The following CLASP1 variants were observed in gnomAD, a reference collection of about 807,000 sequenced individuals.
The protein encoded by CLASP1 is CLIP-associating protein 1.
Under a neutral mutation model 192.3 loss-of-function variants are expected in CLASP1, and 38 were observed. The observed-to-expected ratio is 0.20, with a 90% CI of 0.15 to 0.26. CLASP1 has a LOEUF of 0.26. Among genes scored for constraint, CLASP1 ranks in the 10% least tolerant of loss-of-function variants. The pLI, the probability that CLASP1 is intolerant of heterozygous loss-of-function variation, is 1.00. For missense variants in CLASP1, 1,433 were observed against 1,932.5 expected, an observed-to-expected ratio of 0.74 and a Z score of 4.85; for synonymous variants, 691 against 712.8, an observed-to-expected ratio of 0.97 and a Z score of 0.49.
chr2:121,381,889 C>A (rs755586021), intron 33 of CLASP1, among the ~76,000 whole-genome samples: 1 of 152,168 alleles, frequency 6.6e-6, no homozygotes, highest in Non-Finnish European at 1.5e-5. Context: ...CCCACGCTGA[C>A]CTCACAGCAT....
At chr2:121,377,572 T>C in exon 34 of CLASP1, 1 of 1,596,960 alleles carries the variant, frequency 6.3e-7, no homozygotes, top group Non-Finnish European at 8.5e-7. Context: ...ACTAAACTTT[T>C]CAATGGCTTC....
intron 37 of CLASP1, among the ~76,000 whole-genome samples, chr2:121,356,332 GGAAAAACGACCAATGCCCCA>G (rs1279303000): frequency 4.6e-5 from 7 of 152,126 alleles, no homozygotes; most frequent in Non-Finnish European, 1.0e-4. Flanking sequence ...AGTAGACTGG[GGAAAAACGACCAATGCCCCA>G]GATTGGCACT....
intron 1 of CLASP1, among the ~76,000 whole-genome samples, chr2:121,636,396 G>A (rs565681172): frequency 1.3e-5 from 2 of 150,552 alleles, no homozygotes; most frequent in African/African-American, 4.9e-5. Context: ...TGGCGCAGTG[G>A]CTCATGCCTG....
At chr2:121,469,786 G>C (rs747656210) in intron 9 of CLASP1, 22 bp downstream of exon 9, 1 of 1,593,162 alleles carries the variant, frequency 6.3e-7, no homozygotes, top group African/African-American at 1.4e-5. Context: ...ACCCCAGAAC[G>C]CCACACAGGG....
Position 121,585,674 on chromosome 2 carries a change from C to A in CLASP1, c.195+20027G>T, listed in dbSNP as rs151186135. 4.9e-3 allele frequency among the ~76,000 whole-genome samples: 745 copies of A among 152,190 alleles called. 8 individuals carry two copies. The highest frequency in any genetic ancestry group is 0.017 in the African/African-American group (722 of 41,516). On this transcript the variant is annotated intron_variant, in intron 2 of 39. Coordinates refer to ENST00000263710, the Ensembl canonical transcript of CLASP1. The stretch of plus-strand genomic sequence containing the variant: ...CAGCACTTTGGGAGGCCGAAGCGGG[C>A]AGATCACGAGGTCAAGAGATCGAGA...
intron 2 of CLASP1, among the ~76,000 whole-genome samples, chr2:121,531,957 T>C (rs1261556357): frequency 6.6e-6 from 1 of 152,210 alleles, no homozygotes; most frequent in Non-Finnish European, 1.5e-5. Context: ...ATGAAGCAGT[T>C]TTGCACTGTG....
chr2:121,457,844 CT>C, intron 13 of CLASP1, 87 bp from the exon 14 acceptor site: 2 of 860,954 alleles, frequency 2.3e-6, no homozygotes, highest in Non-Finnish European at 3.9e-6. Flanking sequence ...TACTAACCTA[CT>C]TATAGCACAT....
At chr2:121,589,503 G>A (rs149319532) in intron 2 of CLASP1, among the ~76,000 whole-genome samples, 5,632 of 152,048 alleles carry the variant, frequency 0.037, 157 homozygotes, top group East Asian at 0.14. Context: ...GGTGGTGCAC[G>A]CCTGTAGTCT....
At chr2:121,406,481 T>C (rs2076929100) in intron 25 of CLASP1, among the ~76,000 whole-genome samples, 1 of 152,226 alleles carries the variant, frequency 6.6e-6, no homozygotes, top group South Asian at 2.1e-4. Context: ...AGAGTTGTTT[T>C]ATTTTATGTT....
chr2:121,599,165 A>AT (rs958704387), intron 2 of CLASP1, among the ~76,000 whole-genome samples: 16 of 150,050 alleles, frequency 1.1e-4, no homozygotes, highest in African/African-American at 2.9e-4. Context: ...ACCTGGCCGT[A>AT]TTTTTTTTTA....
intron 7 of CLASP1, among the ~76,000 whole-genome samples, chr2:121,512,482 T>C (rs1425333627): frequency 2.6e-5 from 4 of 152,230 alleles, no homozygotes; most frequent in Non-Finnish European, 5.9e-5. Context: ...GTAAAAACCA[T>C]GTTAAATGGT....
chr2:121,609,336 G>GCTTA (rs2064886662), intron 1 of CLASP1, among the ~76,000 whole-genome samples: 1 of 152,042 alleles, frequency 6.6e-6, no homozygotes, highest in Admixed American at 6.6e-5. Flanking sequence ...TGCAACAAAG[G>GCTTA]CTTAGTACAC....
At chr2:121,347,549 A>G (rs2063605484) in intron 38 of CLASP1, among the ~76,000 whole-genome samples, 1 of 152,206 alleles carries the variant, frequency 6.6e-6, no homozygotes, top group Non-Finnish European at 1.5e-5. Flanking sequence ...CCTTGTGAAA[A>G]TGCCTTTAAA....
At chr2:121,540,891 G>A (rs1417469108) in intron 2 of CLASP1, among the ~76,000 whole-genome samples, 1 of 152,054 alleles carries the variant, frequency 6.6e-6, no homozygotes, top group African/African-American at 2.4e-5. Flanking sequence ...CAGAAGAGTG[G>A]TTACTTAGGG....
chr2:121,403,741 TC>T, intron 26 of CLASP1: 1 of 466,954 alleles, frequency 2.1e-6, no homozygotes, highest in Non-Finnish European at 4.3e-6. Flanking sequence ...AAGTGTTCTG[TC>T]CCATACTCAT....
intron 37 of CLASP1, among the ~76,000 whole-genome samples, chr2:121,359,856 T>A (rs1263131976): frequency 6.6e-6 from 1 of 152,242 alleles, no homozygotes; most frequent in Non-Finnish European, 1.5e-5. Flanking sequence ...TAGCTTTGGA[T>A]GAATGGTGTC....
rs183421938 is a variant in CLASP1, at chr2:121,454,646, G to C, written c.1386-2797C>G. 1.5e-4 allele frequency among the ~76,000 whole-genome samples: 23 copies of C among 152,316 alleles called. No individual in the cohort carries two copies. In the East Asian group the frequency reaches 4.1e-3, roughly 27 times the overall value. On this transcript the variant is annotated intron_variant, in intron 14 of 39. Coordinates refer to ENST00000263710, the Ensembl canonical transcript of CLASP1. The stretch of plus-strand genomic sequence containing the variant: ...TGCATGGTTGGACAAGCTTGCTCTA[G>C]ACTGTGAGAAATAAATCTGTTGTTC...
chr2:121,434,408 G>T (rs1456645804), intron 19 of CLASP1, among the ~76,000 whole-genome samples: 1 of 151,950 alleles, frequency 6.6e-6, no homozygotes, highest in African/African-American at 2.4e-5. Flanking sequence ...GGGACTACAG[G>T]TGTATGTCAC....
intron 32 of CLASP1, among the ~76,000 whole-genome samples, chr2:121,385,871 A>T (rs2149374419): frequency 6.6e-6 from 1 of 152,356 alleles, no homozygotes; most frequent in East Asian, 1.9e-4. Flanking sequence ...GCATATTTTC[A>T]TTAGTCTCTG....
Sources: allele counts gnomAD v4.1 joint callset (sites outside exome capture counted in the v4.1 genomes callset), GRCh38; gene constraint gnomAD v4.1.1; transcripts MANE v1.5; gene names NCBI Gene and HGNC (gene_info 2026-07-23, HGNC 2026-07-21).